The following ZNF536 variants were observed in gnomAD, a reference collection of about 807,000 sequenced individuals.
The protein encoded by ZNF536 is zinc finger protein 536.
In ZNF536, 13 loss-of-function variants were observed where a neutral mutation model predicts 84.5. The observed-to-expected ratio is 0.15, with a 90% CI of 0.10 to 0.24. The LOEUF (loss-of-function observed/expected upper bound fraction) is 0.24. ZNF536 is among the 10% of genes least tolerant of loss of function. The probability of loss-of-function intolerance (pLI) is 1.00; values close to 1 mark genes in which losing one functional copy is unlikely to be tolerated. For synonymous variants in ZNF536, 811 were observed against 742.5 expected (o/e 1.09, Z -1.50); for missense variants, 1,536 against 1,747.5 (o/e 0.88, Z 2.16).
At chr19:30,680,483 A>G (rs1331493445) in intron 1 of ZNF536, among the ~76,000 whole-genome samples, 4 of 138,374 alleles carry the variant, frequency 2.9e-5, no homozygotes, top group South Asian at 2.3e-4. Flanking sequence ...ATTCCCACCT[A>G]TGAGTGAGAA....
At chr19:30,533,941 T>C (rs949424328) in intron 2 of ZNF536, among the ~76,000 whole-genome samples, 2 of 152,268 alleles carry the variant, frequency 1.3e-5, no homozygotes, top group African/African-American at 2.4e-5. Context: ...GGCAGTGTGA[T>C]GTCAGGCCTC....
chr19:30,420,089 A>G (rs1173797650), intron 1 of ZNF536, among the ~76,000 whole-genome samples: 1 of 152,126 alleles, frequency 6.6e-6, no homozygotes, highest in Non-Finnish European at 1.5e-5. Flanking sequence ...TGCATGTGAC[A>G]CTCCCAGGGA....
chr19:30,611,831 G>A (rs1600003392), intron 1 of ZNF536, among the ~76,000 whole-genome samples: 1 of 152,160 alleles, frequency 6.6e-6, no homozygotes, highest in East Asian at 1.9e-4. Flanking sequence ...TGATTGGCTA[G>A]GTCCATGGAA....
At chr19:30,688,837 G>C (rs1304987752) in intron 1 of ZNF536, among the ~76,000 whole-genome samples, 1 of 152,164 alleles carries the variant, frequency 6.6e-6, no homozygotes, top group Non-Finnish European at 1.5e-5. Flanking sequence ...TCAGAGCATG[G>C]GAGCCTACAC....
chr19:30,672,935 C>T (rs1303036060), intron 1 of ZNF536, among the ~76,000 whole-genome samples: 1 of 152,152 alleles, frequency 6.6e-6, no homozygotes, highest in Non-Finnish European at 1.5e-5. Flanking sequence ...ATAAGCCAGC[C>T]CCTATCCTGT....
At chr19:30,487,369 G>C (rs188384293) in intron 2 of ZNF536, among the ~76,000 whole-genome samples, 8 of 152,250 alleles carry the variant, frequency 5.3e-5, no homozygotes, top group Admixed American at 5.2e-4. Context: ...TTTCAGGAGT[G>C]TGCACAAGAA....
chr19:30,253,117 C>T (rs2024708700), intron 1 of ZNF536, among the ~76,000 whole-genome samples: 1 of 152,196 alleles, frequency 6.6e-6, no homozygotes, highest in Non-Finnish European at 1.5e-5. Flanking sequence ...CTTGGAAGCT[C>T]TCAGATTATC....
intron 1 of ZNF536, among the ~76,000 whole-genome samples, chr19:30,622,008 C>T (rs916799401): frequency 2.0e-5 from 3 of 152,248 alleles, no homozygotes; most frequent in Non-Finnish European, 4.4e-5. Flanking sequence ...TTTCTGGCTT[C>T]TGCACTTAAA....
At chr19:30,684,273 G>A (rs1600256545) in intron 1 of ZNF536, among the ~76,000 whole-genome samples, 1 of 152,040 alleles carries the variant, frequency 6.6e-6, no homozygotes, top group Non-Finnish European at 1.5e-5. Context: ...TAACTGGGAC[G>A]ACAGATGCAT....
chr19:30,400,441 T>C (rs1299007102), intron 1 of ZNF536, among the ~76,000 whole-genome samples: 2 of 152,212 alleles, frequency 1.3e-5, no homozygotes, highest in Non-Finnish European at 2.9e-5. Context: ...GTATGTAGTG[T>C]TATGTTCCTG....
At chr19:30,308,635 G>A (rs986733021) in intron 2 of ZNF536, among the ~76,000 whole-genome samples, 4 of 152,154 alleles carry the variant, frequency 2.6e-5, no homozygotes, top group Non-Finnish European at 4.4e-5. Flanking sequence ...ACAGCTACTA[G>A]AGGGAGTTAA....
At chr19:30,365,933 A>T (rs1057194505) in intron 3 of ZNF536, among the ~76,000 whole-genome samples, 4 of 152,202 alleles carry the variant, frequency 2.6e-5, no homozygotes, top group African/African-American at 9.6e-5. Flanking sequence ...TCATTTTTTA[A>T]AAAAAATAGG....
intron 1 of ZNF536, among the ~76,000 whole-genome samples, chr19:30,610,394 T>C (rs1359139502): frequency 6.6e-6 from 1 of 152,112 alleles, no homozygotes; most frequent in Non-Finnish European, 1.5e-5. Flanking sequence ...CATTTGGGGA[T>C]TACTTCAGAT....
chr19:30,452,021 T>C (rs1249263053), intron 2 of ZNF536, among the ~76,000 whole-genome samples: 1 of 152,216 alleles, frequency 6.6e-6, no homozygotes, highest in African/African-American at 2.4e-5. Flanking sequence ...GCTCAGGTCT[T>C]GACCACCACC....
intron 3 of ZNF536, among the ~76,000 whole-genome samples, chr19:30,540,562 C>A (rs1455082918): frequency 6.6e-6 from 1 of 152,158 alleles, no homozygotes; most frequent in East Asian, 1.9e-4. Context: ...AGGCTCCATC[C>A]CCTGCCCCGC....
At chr19:30,257,410 C>T (rs918707553) in intron 1 of ZNF536, among the ~76,000 whole-genome samples, 1 of 152,212 alleles carries the variant, frequency 6.6e-6, no homozygotes, top group Non-Finnish European at 1.5e-5. Context: ...AAGGTCAAGG[C>T]CAAGTCTGGG....
chr19:30,435,430 GTGA>G (rs2051696837), intron 1 of ZNF536, among the ~76,000 whole-genome samples: 1 of 151,624 alleles, frequency 6.6e-6, no homozygotes, highest in Non-Finnish European at 1.5e-5. Context: ...GGTGATGCTG[GTGA>G]TGATGTTGGT....
intron 1 of ZNF536, among the ~76,000 whole-genome samples, chr19:30,433,916 G>A (rs191354718): frequency 9.4e-4 from 143 of 151,866 alleles, no homozygotes; most frequent in African/African-American, 3.3e-3. Context: ...TAACTGCTGC[G>A]GTCAGCATCT....
In ZNF536 at chr19:30,333,177, G is replaced by GTAAA. The variant is rs1053002745; in HGVS notation, c.-119-19175_-119-19172dup. Among the ~76,000 whole-genome samples, 1,249 of 152,140 alleles carry GTAAA rather than the reference G, an allele frequency of 8.2e-3. 18 individuals are homozygous for GTAAA. The highest frequency in any genetic ancestry group is 0.027 in the African/African-American group (1,140 of 41,524). ...AACAAATAAATTAATAAGTAAGTAA[G>GTAAA]TAAATAAATAAATAAATAAGGAAAT... On this transcript the variant is annotated intron_variant, in intron 2 of 5. Transcript: ENST00000585628.
Sources: gnomAD v4.1 joint callset for allele counts (sites outside exome capture counted in the v4.1 genomes callset) on GRCh38, gnomAD v4.1.1 for gene constraint, MANE v1.5 for transcripts, NCBI Gene and HGNC (gene_info 2026-07-23, HGNC 2026-07-21) for gene names.